The following TPTE2 variants were observed in gnomAD, a reference collection of about 807,000 sequenced individuals.
TPTE2 encodes the protein transmembrane phosphoinositide 3-phosphatase and tensin homolog 2.
TPTE2 carries 53 observed loss-of-function variants against 78.6 expected under a neutral mutation model. The observed-to-expected ratio is 0.67, with a 90% CI of 0.54 to 0.85. The LOEUF is 0.85. Among genes scored for constraint, TPTE2 ranks in the 40% least tolerant of loss-of-function variants. TPTE2 has a pLI of 0.00. For synonymous variants in TPTE2, 175 were observed against 206.2 expected (o/e 0.85, Z 1.30); for missense variants, 461 against 623.0 (o/e 0.74, Z 2.77).
intron 15 of TPTE2, among the ~76,000 whole-genome samples, chr13:19,435,327 A>C (rs1475456009): frequency 2.0e-5 from 3 of 152,226 alleles, no homozygotes; most frequent in African/African-American, 2.4e-5. Context: ...TGTTGTTTTA[A>C]GAGTACTTAA....
chr13:19,499,765 C>T (rs1448290097), intron 1 of TPTE2, among the ~76,000 whole-genome samples: 1 of 145,116 alleles, frequency 6.9e-6, no homozygotes, highest in Non-Finnish European at 1.5e-5. Flanking sequence ...CAAACACATT[C>T]AAAAGCTAGC....
At chr13:19,459,794 T>C (rs897666192) in intron 10 of TPTE2, among the ~76,000 whole-genome samples, 5 of 152,202 alleles carry the variant, frequency 3.3e-5, no homozygotes, top group African/African-American at 1.2e-4. Flanking sequence ...TGTGCTGTGT[T>C]GTGGGGAACT....
At chr13:19,464,518 G>C in exon 10 of TPTE2, 1 of 1,611,950 alleles carries the variant, frequency 6.2e-7, no homozygotes, top group South Asian at 1.1e-5. Flanking sequence ...GCAATAATAC[G>C]TTCTGAAAGT....
At chr13:19,560,303 G>A in the TPTE2 span, 9 of 1,220,770 alleles carry the variant, frequency 7.4e-6, no homozygotes, top group South Asian at 7.7e-5. Context: ...GCCTTCAGTA[G>A]AACGTACTCC....
intron 17 of TPTE2, among the ~76,000 whole-genome samples, chr13:19,427,671 TC>T (rs1326589335): frequency 6.6e-6 from 1 of 151,892 alleles, no homozygotes; most frequent in African/African-American, 2.4e-5. Context: ...GAGAGTGGGG[TC>T]CCCCTGCTCA....
At chr13:19,519,841 G>C (rs1010903689) in intron 1 of TPTE2, among the ~76,000 whole-genome samples, 3 of 152,154 alleles carry the variant, frequency 2.0e-5, no homozygotes, top group African/African-American at 7.2e-5. Context: ...GATAGGAACT[G>C]AGTTGAATAT....
chr13:19,472,372 C>G (rs1236531660), intron 6 of TPTE2, among the ~76,000 whole-genome samples: 1 of 152,108 alleles, frequency 6.6e-6, no homozygotes, highest in Non-Finnish European at 1.5e-5. Flanking sequence ...TTTGTCTCCT[C>G]TATGTATTTT....
chr13:19,542,780 G>C, the TPTE2 span, among the ~76,000 whole-genome samples: 1 of 152,096 alleles, frequency 6.6e-6, no homozygotes. Flanking sequence ...AATAGCTTGA[G>C]CCCAGGAGTT....
intron 10 of TPTE2, among the ~76,000 whole-genome samples, chr13:19,455,328 G>A (rs1453946045): frequency 6.6e-6 from 1 of 152,148 alleles, no homozygotes. Flanking sequence ...TCCATCAATG[G>A]TCTCAATTCT....
intron 13 of TPTE2, among the ~76,000 whole-genome samples, chr13:19,443,397 C>CTTTTTTTTTTTTTTTTTTTTTT (rs71092357): frequency 7.7e-6 from 1 of 129,912 alleles, no homozygotes; most frequent in African/African-American, 2.7e-5. Context: ...TTCTTTCTTT[C>CTTTTTTTTTTTTTTTTTTTTTT]TTTTTTTTTT....
intron 17 of TPTE2, among the ~76,000 whole-genome samples, chr13:19,427,396 CAAAAGTGCTGCACTTTTA>C (rs755006411): frequency 2.2e-4 from 33 of 151,934 alleles, no homozygotes; most frequent in Non-Finnish European, 4.1e-4. Flanking sequence ...AGGCACTTTT[CAAAAGTGCTGCACTTTTA>C]AAAAGTATTG....
chr13:19,430,742 G>A (rs1259917547), intron 16 of TPTE2, among the ~76,000 whole-genome samples, 195 bp from the exon 20 acceptor site: 1 of 152,186 alleles, frequency 6.6e-6, no homozygotes, highest in African/African-American at 2.4e-5. Flanking sequence ...TCCTAAAGCA[G>A]ATTTTATAAG....
rs369072535 is a variant in TPTE2 at position 19,426,516 on chromosome 13, A to G, written c.1304T>C (p.Ile435Thr). Residue 435 changes from isoleucine (I) to threonine (T), a missense_variant and splice_region_variant, in exon 18 of 20, where the codon ATA becomes ACA. Physicochemically the swap from Ile to Thr is moderately conservative, Grantham distance 89. Coordinates refer to ENST00000400230, the Ensembl canonical transcript of TPTE2. ...TTTGTCTGTTTCAATGTCATGCAATATCTATGAATGAACACATGGAATTGA... is the reference window on the plus strand; with the variant it reads ...TTTGTCTGTTTCAATGTCATGCAATGTCTATGAATGAACACATGGAATTGA... The G allele has an allele frequency of 2.1e-5, 32 of 1,536,392 alleles. No homozygotes were observed. The highest frequency in any genetic ancestry group is 1.7e-4 in the Middle Eastern group (1 of 5,910).
At chr13:19,523,851 C>A (rs1401191723) in intron 1 of TPTE2, among the ~76,000 whole-genome samples, 1 of 152,174 alleles carries the variant, frequency 6.6e-6, no homozygotes, top group Non-Finnish European at 1.5e-5. Context: ...CACACACAAT[C>A]TAGAGGTGAA....
intron 4 of TPTE2, 120 bp from the exon 8 acceptor site, chr13:19,475,743 A>T: frequency 9.6e-7 from 1 of 1,039,892 alleles, no homozygotes. Flanking sequence ...GTTGTATAAC[A>T]AAATGCTTTT....
rs545649419 is a variant in TPTE2 at position 19,487,872 on chromosome 13, T to G, written c.119+4978A>C. 2.0e-5 allele frequency among the ~76,000 whole-genome samples: 3 copies of G among 152,312 alleles called. No homozygotes were observed. The South Asian group carries it at 6.2e-4, about 32-fold the overall frequency. ...GTCCAGGACATGCAGCTTTGTCAAT[T>G]CTTGGCAGTACTCCAAACTGGCCTC... On this transcript the variant is annotated intron_variant, in intron 3 of 19. Coordinates refer to ENST00000400230, the Ensembl canonical transcript of TPTE2.
At chr13:19,560,621 G>A in the TPTE2 span, 1 of 1,596,132 alleles carries the variant, frequency 6.3e-7, no homozygotes, top group South Asian at 1.1e-5. Context: ...ACGGCTGGAA[G>A]GTGCCCATCA....
chr13:19,554,933 A>C, the TPTE2 span, among the ~76,000 whole-genome samples: 1 of 152,300 alleles, frequency 6.6e-6, no homozygotes, highest in Non-Finnish European at 1.5e-5. Context: ...CACACCACTA[A>C]AATAACTTGT....
the TPTE2 span, among the ~76,000 whole-genome samples, chr13:19,556,447 A>C: frequency 1.3e-5 from 2 of 152,176 alleles, no homozygotes; most frequent in Admixed American, 6.5e-5. Flanking sequence ...GGGGAAAATC[A>C]AAAGTTTGTA....
Sources: gnomAD v4.1 joint callset for allele counts (sites outside exome capture counted in the v4.1 genomes callset) on GRCh38, gnomAD v4.1.1 for gene constraint, MANE v1.5 for transcripts, NCBI Gene and HGNC (gene_info 2026-07-23, HGNC 2026-07-21) for gene names.